Variants in SEC14L6 observed in about 807,000 individuals in gnomAD.
SEC14L6 encodes the protein SEC14 like lipid binding 6.
A neutral mutation model predicts 54.1 loss-of-function variants in SEC14L6; 40 were observed. The ratio of observed to expected loss-of-function variants is 0.74; its 90% CI spans 0.57 to 0.96. SEC14L6 has a LOEUF of 0.96. Ranked by LOEUF, SEC14L6 falls within the 40% of genes least tolerant of loss-of-function variation. The pLI, the probability that SEC14L6 is intolerant of heterozygous loss-of-function variation, is 0.00. For synonymous variants in SEC14L6, 171 were observed against 198.4 expected (o/e 0.86, Z 1.16); for missense variants, 471 against 498.3 (o/e 0.95, Z 0.52).
At chr22:30,529,497 G>T (rs1936898467) in intron 6 of SEC14L6, 148 bp from the exon 7 acceptor site, 2 of 657,730 alleles carry the variant, frequency 3.0e-6, no homozygotes, top group Non-Finnish European at 5.3e-6. Context: ...CCGATGCCCA[G>T]ACACCAAGAA....
In SEC14L6 at chr22:30,525,453, C is replaced by T; in HGVS notation, c.978G>A (p.Glu326=). 6.2e-7 allele frequency: 1 copy of T among 1,614,214 alleles called. No individual in the cohort carries two copies. The highest frequency in any genetic ancestry group is 8.5e-7 in the Non-Finnish European group (1 of 1,180,032). The change falls in exon 11 of 12, where the codon GAG becomes GAA. Residue 326 remains glutamate, a synonymous_variant. Coordinates refer to ENST00000402034, the MANE Select transcript of SEC14L6 (RefSeq NM_001193336.4). ...FGVFLKTKMG[E]RQRAREMTEV... ...CTGTCATCTCCCTAGCCCTCTGCCG[C>T]TCCCCCATCTTGGTCTTCAGGAAAA...
chr22:30,532,266 T>A, intron 5 of SEC14L6: 1 of 985,446 alleles, frequency 1.0e-6, no homozygotes, highest in Non-Finnish European at 1.2e-6. Context: ...GTCCCTCTCG[T>A]CCAATGAGGC....
At chr22:30,530,279 G>A (rs993116182) in intron 6 of SEC14L6, among the ~76,000 whole-genome samples, 3 of 151,920 alleles carry the variant, frequency 2.0e-5, no homozygotes, top group South Asian at 4.2e-4. Flanking sequence ...GCGTGGTGGC[G>A]GGCACCTGTA....
intron 2 of SEC14L6, 108 bp from the exon 3 acceptor site, chr22:30,534,147 A>G: frequency 9.8e-7 from 1 of 1,023,208 alleles, no homozygotes; most frequent in South Asian, 1.5e-5. Context: ...GTCTCCTGTT[A>G]CCCAGAGGGC....
chr22:30,534,611 ATGT>A (rs1309843588), intron 2 of SEC14L6, among the ~76,000 whole-genome samples: 1 of 151,856 alleles, frequency 6.6e-6, no homozygotes, highest in African/African-American at 2.4e-5. Context: ...GGGTTTCACC[ATGT>A]TGGTCAGGCT....
rs768588491 is a variant in SEC14L6 at position 30,525,527 on chromosome 22, G to T, written c.912-8C>A. ...TCTGAAGCAAACTGCCACCTGCAGT[G>T]GATAGAGCCCCATTGGCGACCCCCT... On this transcript the variant is annotated splice_polypyrimidine_tract_variant and splice_region_variant and intron_variant, in intron 10 of 11. Coordinates refer to ENST00000402034, the MANE Select transcript of SEC14L6 (RefSeq NM_001193336.4). The T allele has an allele frequency of 6.2e-7, 1 of 1,613,290 alleles. No individual in the cohort carries two copies. Among genetic ancestry groups the T allele is most frequent in the Non-Finnish European group, 8.5e-7 (1 of 1,179,312 alleles).
intron 8 of SEC14L6, among the ~76,000 whole-genome samples, chr22:30,528,178 A>G (rs1445002193): frequency 7.3e-6 from 1 of 137,598 alleles, no homozygotes; most frequent in Non-Finnish European, 1.5e-5. Context: ...GCTGGAGTGC[A>G]CTGGCGCGAT....
chr22:30,542,298 A>AC (rs552264349), intron 1 of SEC14L6, among the ~76,000 whole-genome samples: 80 of 150,532 alleles, frequency 5.3e-4, no homozygotes, highest in South Asian at 4.6e-3. Context: ...AAAGGCAGAC[A>AC]CCCCCCCACC....
At chr22:30,530,346 G>A (rs980920925) in intron 6 of SEC14L6, among the ~76,000 whole-genome samples, 2 of 152,152 alleles carry the variant, frequency 1.3e-5, no homozygotes, top group East Asian at 3.9e-4. Flanking sequence ...TTAGGCGGAG[G>A]CTGCAGTGAG....
chr22:30,542,742 G>GA, intron 1 of SEC14L6: 1 of 1,578,170 alleles, frequency 6.3e-7, no homozygotes. Flanking sequence ...AGTGCACTGT[G>GA]ACCTCCCTGA....
intron 6 of SEC14L6, among the ~76,000 whole-genome samples, chr22:30,530,824 C>T (rs1187310341): frequency 6.6e-6 from 1 of 152,228 alleles, no homozygotes; most frequent in East Asian, 1.9e-4. Flanking sequence ...CTGCAGCACT[C>T]CCAGATGACC....
chr22:30,533,044 G>A, intron 3 of SEC14L6, 188 bp from the exon 4 acceptor site: 1 of 985,390 alleles, frequency 1.0e-6, no homozygotes, highest in Non-Finnish European at 1.2e-6. Flanking sequence ...ATGCATCTGA[G>A]AGGCCAGGAG....
rs886427196 is a variant in SEC14L6 at position 30,531,957 on chromosome 22, G to C, written c.465C>G (p.Leu155=). The part of the protein sequence containing the change: ...RVEKIIAIFG[L]EGLGLRDLWK... ...ACAGATCCCTCAGGCCCAGCCCTTCGAGACCAAAAATAGCTATGATTTTCT... is the reference window on the plus strand; with the variant it reads ...ACAGATCCCTCAGGCCCAGCCCTTCCAGACCAAAAATAGCTATGATTTTCT... The change falls in exon 6 of 12, where the codon CTC becomes CTG. Residue 155 remains leucine, a synonymous_variant. Transcript: ENST00000402034. 2 of 1,550,822 alleles carry C rather than the reference G, an allele frequency of 1.3e-6. No homozygotes were observed. Among genetic ancestry groups the C allele is most frequent in the East Asian group, 2.4e-5 (1 of 40,922 alleles).
intron 1 of SEC14L6, chr22:30,542,626 C>G: frequency 6.5e-7 from 1 of 1,538,646 alleles, no homozygotes. Flanking sequence ...CTGCCTGCTG[C>G]TCCCCGCGTC....
At chr22:30,532,089 C>A in intron 5 of SEC14L6, 91 bp from the exon 6 acceptor site, 1 of 1,488,942 alleles carries the variant, frequency 6.7e-7, no homozygotes, top group Non-Finnish European at 8.9e-7. Flanking sequence ...GGGCACTGGC[C>A]TGGCTTGTCT....
At chr22:30,526,029 TC>T in intron 8 of SEC14L6, 97 bp from the exon 9 acceptor site, 7 of 1,434,258 alleles carry the variant, frequency 4.9e-6, no homozygotes, top group Non-Finnish European at 5.8e-6. Context: ...CCAGCTGCTC[TC>T]CCTCCCTGGC....
chr22:30,528,509 A>G (rs73394240), intron 8 of SEC14L6, among the ~76,000 whole-genome samples: 1,931 of 147,336 alleles, frequency 0.013, 37 homozygotes, highest in African/African-American at 0.045. Flanking sequence ...CTGTTGCCTC[A>G]ACCTCCTGGA....
intron 1 of SEC14L6, chr22:30,543,573 T>C: frequency 6.2e-7 from 1 of 1,613,662 alleles, no homozygotes; most frequent in Non-Finnish European, 8.5e-7. Flanking sequence ...AGGTGGAGCA[T>C]GACGGGCAGT....
chr22:30,545,397 C>CT (rs1568977782), intron 1 of SEC14L6, among the ~76,000 whole-genome samples: 4 of 151,172 alleles, frequency 2.6e-5, no homozygotes, highest in African/African-American at 9.8e-5. Flanking sequence ...TCAAAACACT[C>CT]ATTTTTTTTT....
Sources: gnomAD v4.1 joint callset for allele counts (sites outside exome capture counted in the v4.1 genomes callset) on GRCh38, gnomAD v4.1.1 for gene constraint, MANE v1.5 for transcripts, NCBI Gene and HGNC (gene_info 2026-07-23, HGNC 2026-07-21) for gene names.